Variants in PTPA observed in about 807,000 individuals in gnomAD.
PTPA encodes protein phosphatase 2 phosphatase activator.
PTPA carries 13 observed loss-of-function variants against 43.6 expected under a neutral mutation model. That is an observed-to-expected ratio of 0.30 (90% CI 0.19 to 0.47). The LOEUF (loss-of-function observed/expected upper bound fraction) is 0.47. Ranked by LOEUF, PTPA falls within the 20% of genes least tolerant of loss-of-function variation. The pLI is 0.99. For synonymous variants in PTPA, 172 were observed against 158.2 expected, an observed-to-expected ratio of 1.09 and a Z score of -0.66; for missense variants, 329 against 411.9, an observed-to-expected ratio of 0.80 and a Z score of 1.74.
Position 129,144,161 on chromosome 9 carries a change from C to G in PTPA, c.894+1609C>G, listed in dbSNP as rs192818184. ...ACCTGCCCTTCCAGAGACAAAAGAA[C>G]TCCAGGCTGCCAGAGGATGAGGGAG... On this transcript the variant is annotated intron_variant, in intron 9 of 9. Coordinates refer to ENST00000393370, the MANE Select transcript of PTPA (RefSeq NM_178000.3). Among the ~76,000 whole-genome samples, 27 of 152,014 alleles carry G rather than the reference C, an allele frequency of 1.8e-4. No homozygotes were observed. In the East Asian group the frequency reaches 4.9e-3, roughly 27 times the overall value.
intron 1 of PTPA, 34 bp downstream of exon 1, chr9:129,111,665 G>T (rs1848498055): frequency 7.8e-7 from 1 of 1,275,806 alleles, no homozygotes; most frequent in Non-Finnish European, 1.0e-6. Flanking sequence ...GGCCGGGGTC[G>T]GGTAGGGTGG....
intron 1 of PTPA, among the ~76,000 whole-genome samples, chr9:129,115,123 C>T (rs535972777): frequency 1.3e-5 from 2 of 152,262 alleles, no homozygotes; most frequent in East Asian, 3.9e-4. Flanking sequence ...GGTGATCTCA[C>T]ACATATAAAA....
chr9:129,126,506 T>C (rs1387674619), intron 3 of PTPA, among the ~76,000 whole-genome samples: 4 of 152,198 alleles, frequency 2.6e-5, no homozygotes, highest in Non-Finnish European at 4.4e-5. Context: ...AAATGATGCC[T>C]GTCCTCCTCT....
chr9:129,141,003 T>G (rs1850769902), intron 8 of PTPA, among the ~76,000 whole-genome samples: 1 of 151,808 alleles, frequency 6.6e-6, no homozygotes, highest in Non-Finnish European at 1.5e-5. Flanking sequence ...GTTGGGTGCC[T>G]CGGGCTCTTG....
At chr9:129,113,310 T>C (rs1848664310) in intron 1 of PTPA, among the ~76,000 whole-genome samples, 1 of 150,678 alleles carries the variant, frequency 6.6e-6, no homozygotes, top group Non-Finnish European at 1.5e-5. Flanking sequence ...CAGGCTGGTC[T>C]CGAACTCCTG....
intron 2 of PTPA, 86 bp from the exon 3 acceptor site, chr9:129,122,966 T>C: frequency 6.7e-6 from 7 of 1,037,256 alleles, no homozygotes; most frequent in Middle Eastern, 2.5e-4. Flanking sequence ...TCGGAGCTCT[T>C]TGGTAACCTG....
rs568800102 is a variant in PTPA, at chr9:129,147,324, T to C, written c.895-63T>C. Reference sequence around the variant, plus strand: ...GACACCTGGGAGCTGCTGCGGTTGTTGGGGTCCTGGCAGGGGTGTGGTGTG... The same window carrying C: ...GACACCTGGGAGCTGCTGCGGTTGTCGGGGTCCTGGCAGGGGTGTGGTGTG... On this transcript the variant is annotated intron_variant, in intron 9 of 9. Transcript: ENST00000393370. The C allele has an allele frequency of 4.0e-4, 609 of 1,538,082 alleles. 3 individuals carry two copies. The African/African-American group carries it at 7.6e-3, about 19-fold the overall frequency.
chr9:129,145,455 G>A (rs964093206), intron 9 of PTPA, among the ~76,000 whole-genome samples: 1 of 152,192 alleles, frequency 6.6e-6, no homozygotes, highest in Non-Finnish European at 1.5e-5. Context: ...CTACACAGAG[G>A]TCCAAGGAGA....
intron 9 of PTPA, chr9:129,143,457 G>A: frequency 2.8e-6 from 2 of 702,838 alleles, no homozygotes; most frequent in Middle Eastern, 2.3e-4. Context: ...TTCTCTTCTG[G>A]GAAGGGGCTG....
Position 129,142,452 on chromosome 9 carries a change from C to T in PTPA, c.794C>T (p.Thr265Ile). The T allele has an allele frequency of 6.3e-7, 1 of 1,583,234 alleles. No individual in the cohort carries two copies. The highest frequency in any genetic ancestry group is 8.6e-7 in the Non-Finnish European group (1 of 1,160,076). ...GTGGCTTCTCTTTTTCAGATGAAGA[C>T]TGGCCCATTTGCAGAGCACTCCAAC... ...ECILFITEMK[T>I]GPFAEHSNQL... Residue 265 changes from threonine to isoleucine, a missense_variant, in exon 9 of 10, where the codon ACT becomes ATT. By Grantham distance (89) the Thr-to-Ile change is moderately conservative. Coordinates refer to ENST00000393370, the MANE Select transcript of PTPA (RefSeq NM_178000.3).
chr9:129,110,987 C>T (rs752656321), upstream of PTPA: 6 of 1,371,516 alleles, frequency 4.4e-6, no homozygotes, highest in South Asian at 3.4e-5. This position sits in a 1 kb window ranked among gnomAD's most constrained non-coding sequence, Gnocchi z 5.3. Flanking sequence ...AGGTCACCGT[C>T]CAGCTGTCTC....
intron 3 of PTPA, among the ~76,000 whole-genome samples, chr9:129,126,728 C>T (rs1027733452): frequency 6.6e-6 from 1 of 152,122 alleles, no homozygotes; most frequent in Non-Finnish European, 1.5e-5. Flanking sequence ...TTCTTTGTGC[C>T]TCGAAGGTGT....
intron 9 of PTPA, chr9:129,143,140 C>A: frequency 1.7e-6 from 1 of 604,876 alleles, no homozygotes; most frequent in Non-Finnish European, 2.9e-6. Flanking sequence ...TGCTGGCAGG[C>A]AGCCGAGGGT....
In PTPA at chr9:129,138,438, C is replaced by T. The variant is rs1296753396; in HGVS notation, c.786+746C>T. On this transcript the variant is annotated intron_variant, in intron 8 of 9. Coordinates refer to ENST00000393370, the MANE Select transcript of PTPA (RefSeq NM_178000.3). ...CCTGCATCTAAACACACGTGCCAGG[C>T]GACTGCACAGGAAAGCTGGGGACCC... is the stretch of plus-strand genomic sequence containing the variant. Among the ~76,000 whole-genome samples, 9 of 152,324 alleles carry T rather than the reference C, an allele frequency of 5.9e-5. No individual in the cohort carries two copies. The South Asian group carries it at 1.4e-3, about 25-fold the overall frequency.
At position 129,134,746 on chromosome 9, in the gene PTPA, C is replaced by T. The variant is rs1411086048; in HGVS notation, c.461-49C>T. 6 of 1,452,628 alleles carry T rather than the reference C, an allele frequency of 4.1e-6. No individual in the cohort carries two copies. The African/African-American group carries it at 5.6e-5, about 14-fold the overall frequency. The allele number at this position is 1,452,628 out of a possible 1,614,324, so 90.0% of individuals were successfully genotyped here. ...GGATTCTGGGAGACTAAAACAATCC[C>T]AGTCCTTTACCTGGACTACTGTCAA... On this transcript the variant is annotated intron_variant, in intron 5 of 9. Coordinates refer to ENST00000393370, the MANE Select transcript of PTPA (RefSeq NM_178000.3).
chr9:129,136,221 C>G lies in PTPA; in HGVS notation c.561-250C>G, dbSNP rs568007031. 1.8e-4 allele frequency among the ~76,000 whole-genome samples: 27 copies of G among 152,316 alleles called. No homozygotes were observed. In the South Asian group the frequency reaches 3.5e-3, roughly 20 times the overall value. ...TGACCTTGTGATCCGCCTGCCTCGG[C>G]CTCCCAAAGTGCTGGGATTACAGGC... On this transcript the variant is annotated intron_variant, in intron 6 of 9. Coordinates refer to ENST00000393370, the MANE Select transcript of PTPA (RefSeq NM_178000.3).
chr9:129,137,945 C>T (rs557703285), intron 8 of PTPA: 1 of 489,962 alleles, frequency 2.0e-6, no homozygotes, highest in East Asian at 4.0e-5. Flanking sequence ...GGGTCTAAGA[C>T]TTGGTCACTA....
chr9:129,147,181 C>CTA lies in PTPA; in HGVS notation c.895-205_895-204insAT, dbSNP rs372184248. 3.1e-4 allele frequency among the ~76,000 whole-genome samples: 47 copies of CTA among 151,508 alleles called. No homozygotes were observed. In the East Asian group the frequency reaches 8.9e-3, roughly 29 times the overall value. On this transcript the variant is annotated intron_variant, in intron 9 of 9. Coordinates refer to ENST00000393370, the MANE Select transcript of PTPA (RefSeq NM_178000.3). ...CTTGTAGGTTTGGGCTGCCTTTTCT[C>CTA]TTTCTCTCTCTCGTGGGTCTCGTTG...
intron 8 of PTPA, among the ~76,000 whole-genome samples, chr9:129,138,591 C>A (rs1272877555): frequency 6.6e-6 from 1 of 152,162 alleles, no homozygotes; most frequent in Non-Finnish European, 1.5e-5. Flanking sequence ...TCTATCCCTC[C>A]TCAGTCCCTT....
Sources: gnomAD v4.1 joint callset for allele counts (sites outside exome capture counted in the v4.1 genomes callset) on GRCh38, gnomAD v4.1.1 for gene constraint, Gnocchi (gnomAD v3.1) non-coding constraint, MANE v1.5 for transcripts, NCBI Gene and HGNC (gene_info 2026-07-23, HGNC 2026-07-21) for gene names.